The following WIPI2 variants were observed in gnomAD, a reference collection of about 807,000 sequenced individuals.
WIPI2 encodes WD repeat domain, phosphoinositide interacting 2, also known as WD repeat domain phosphoinositide-interacting protein 2.
WIPI2 carries 28 observed loss-of-function variants against 52.3 expected under a neutral mutation model. The observed-to-expected ratio is 0.54, with a 90% confidence interval of 0.40 to 0.73. WIPI2 has a LOEUF of 0.73. WIPI2 is among the 30% of genes least tolerant of loss of function. The pLI, the probability that WIPI2 is intolerant of heterozygous loss-of-function variation, is 0.00. For missense variants in WIPI2, 506 were observed against 602.9 expected, an observed-to-expected ratio of 0.84 and a Z score of 1.68; for synonymous variants, 268 against 245.0, an observed-to-expected ratio of 1.09 and a Z score of -0.88.
chr7:5,197,695 C>A (rs950451244), intron 2 of WIPI2, among the ~76,000 whole-genome samples: 16 of 152,140 alleles, frequency 1.1e-4, no homozygotes, highest in African/African-American at 3.6e-4. Flanking sequence ...AGTTGGAAAT[C>A]TCAAGTTTTT....
chr7:5,227,132 C>T lies in WIPI2; in HGVS notation c.849-48C>T, dbSNP rs1356907111. On this transcript the variant is annotated intron_variant, in intron 9 of 12. Coordinates refer to ENST00000288828, the MANE Select transcript of WIPI2 (RefSeq NM_015610.4). This position sits in a 1 kb window ranked among gnomAD's most constrained non-coding sequence, Gnocchi z 8.1. ...TCTGTGTGAGTAGGGGGTGGCCGTC[C>T]CCCCAGGGAGGGTGCAGCTTCATGT... is the stretch of plus-strand genomic sequence containing the variant. 1 of 1,606,696 alleles carries T rather than the reference C, an allele frequency of 6.2e-7. No homozygotes were observed. The highest frequency in any genetic ancestry group is 8.5e-7 in the Non-Finnish European group (1 of 1,176,378).
intron 11 of WIPI2, among the ~76,000 whole-genome samples, chr7:5,228,814 G>C (rs112808241): frequency 1.6e-3 from 245 of 152,186 alleles, no homozygotes; most frequent in African/African-American, 5.3e-3. Flanking sequence ...CTGCAGCCTT[G>C]ACCTCCCAGG....
chr7:5,232,642 C>A lies in WIPI2; in HGVS notation c.*1695C>A. The stretch of plus-strand genomic sequence containing the variant: ...GCCGCGGCAGCACGCAGCCTTGACC[C>A]ACGCCTGCGTCTTGTGGTGCAAGGC... On this transcript the variant is annotated 3_prime_UTR_variant, in exon 13 of 13. Transcript: ENST00000288828. 1 of 246,522 alleles carries A rather than the reference C, an allele frequency of 4.1e-6. No homozygotes were observed. Among genetic ancestry groups the A allele is most frequent in the East Asian group, 7.3e-5 (1 of 13,660 alleles). The allele number at this position is 246,522 out of a possible 1,614,324, so 15.3% of individuals were successfully genotyped here.
Position 5,199,562 on chromosome 7 carries a change from T to A in WIPI2, c.129-14T>A. 1 of 1,602,582 alleles carries A rather than the reference T, an allele frequency of 6.2e-7. No individual in the cohort carries two copies. Among genetic ancestry groups the A allele is most frequent in the Non-Finnish European group, 8.5e-7 (1 of 1,176,928 alleles). ...ACGTATCAGCTCTTATTTCTGAATT[T>A]GGCTTTTTTGCAGGTCCCTAGCTGT... On this transcript the variant is annotated splice_polypyrimidine_tract_variant and intron_variant, in intron 2 of 12. Transcript: ENST00000288828.
chr7:5,223,703 C>T (rs1783268191), intron 8 of WIPI2, among the ~76,000 whole-genome samples: 1 of 152,196 alleles, frequency 6.6e-6, no homozygotes, highest in African/African-American at 2.4e-5. Flanking sequence ...CCGTATTCCT[C>T]CTGCCTGCTG....
At chr7:5,228,295 C>G in intron 11 of WIPI2, 84 bp downstream of exon 11, 1 of 1,280,714 alleles carries the variant, frequency 7.8e-7, no homozygotes, top group Non-Finnish European at 1.1e-6. Context: ...TGTTTATTTC[C>G]TTGCAAACCA....
chr7:5,225,826 C>A lies in WIPI2; in HGVS notation c.744C>A (p.Cys248Ter), dbSNP rs750663901. The A allele has an allele frequency of 6.2e-7, 1 of 1,610,966 alleles. No homozygotes were observed. The highest frequency in any genetic ancestry group is 1.7e-5 in the Admixed American group (1 of 59,616). The change falls in exon 9 of 13, where the codon TGC becomes TGA. Residue 248 changes from cysteine to a stop codon, truncating the protein, a stop_gained. Coordinates refer to ENST00000288828, the MANE Select transcript of WIPI2 (RefSeq NM_015610.4). LOFTEE classifies it high-confidence loss of function. The stretch of plus-strand genomic sequence containing the variant: ...CCCAACCTGTGCGTCTCCCCAGGTG[C>A]GTGAGCATCTGCTCCCTGGCCTTCA... ...LFEFRRGVKRCVSICSLAFSM... is the reference protein window; with the variant it reads ...LFEFRRGVKR
At chr7:5,196,924 C>T (rs1266042390) in intron 2 of WIPI2, among the ~76,000 whole-genome samples, 2 of 151,808 alleles carry the variant, frequency 1.3e-5, no homozygotes, top group African/African-American at 4.8e-5. Context: ...CCAGCCTGGC[C>T]AACATGGTAA....
chr7:5,197,785 G>C (rs1318731752), intron 2 of WIPI2, among the ~76,000 whole-genome samples: 2 of 152,272 alleles, frequency 1.3e-5, no homozygotes, highest in East Asian at 3.9e-4. Context: ...CCCCTTCCCT[G>C]TTTCAGCCTT....
At chr7:5,216,329 G>A (rs1481332038) in intron 4 of WIPI2, 3 of 338,180 alleles carry the variant, frequency 8.9e-6, no homozygotes. Context: ...CTACTTGGGA[G>A]GCTGAGGCAG....
intron 3 of WIPI2, among the ~76,000 whole-genome samples, chr7:5,208,048 G>A (rs764895908): frequency 1.3e-5 from 2 of 152,176 alleles, no homozygotes; most frequent in African/African-American, 2.4e-5. Context: ...TTACAGGCGT[G>A]AGCCACCACA....
In WIPI2 at chr7:5,204,046, C is replaced by A. The variant is rs139716733; in HGVS notation, c.211+4388C>A. ...TGCTTTCTTTTGATTATTATGGCAT[C>A]TTTCACCTAGCAGCCTGATCCATTG... is the stretch of plus-strand genomic sequence containing the variant. On this transcript the variant is annotated intron_variant, in intron 3 of 12. Coordinates refer to ENST00000288828, the MANE Select transcript of WIPI2 (RefSeq NM_015610.4). 7.0e-4 allele frequency among the ~76,000 whole-genome samples: 107 copies of A among 152,334 alleles called. 2 individuals are homozygous for A. The East Asian group carries it at 0.019, about 27-fold the overall frequency.
chr7:5,212,244 A>G (rs947602715), intron 3 of WIPI2, among the ~76,000 whole-genome samples: 1 of 152,100 alleles, frequency 6.6e-6, no homozygotes, highest in Non-Finnish European at 1.5e-5. Flanking sequence ...TCCTCAGACC[A>G]TCAGTCCAGC....
intron 8 of WIPI2, among the ~76,000 whole-genome samples, chr7:5,223,618 C>G (rs142430680): frequency 3.3e-4 from 51 of 152,344 alleles, no homozygotes; most frequent in African/African-American, 7.9e-4. Flanking sequence ...ACCCAACCCC[C>G]TTCCTCACCC....
chr7:5,218,592 A>G (rs1470142119), intron 7 of WIPI2: 4 of 152,928 alleles, frequency 2.6e-5, no homozygotes, highest in Non-Finnish European at 4.4e-5. Flanking sequence ...TGCCGTAGGT[A>G]GTAGTGTATT....
chr7:5,217,833 G>A (rs1782898263), intron 6 of WIPI2, 89 bp from the exon 7 acceptor site: 1 of 1,261,130 alleles, frequency 7.9e-7, no homozygotes, highest in South Asian at 1.2e-5. Context: ...TTTAGGAACA[G>A]CTAATTGGCA....
intron 1 of WIPI2, chr7:5,190,885 C>T (rs1029215285): frequency 2.0e-4 from 34 of 173,642 alleles, no homozygotes; most frequent in Non-Finnish European, 3.0e-4. Flanking sequence ...CTTCCCGCTG[C>T]TTGCTCAGCG....
At chr7:5,219,651 T>G (rs1275724829) in intron 7 of WIPI2, among the ~76,000 whole-genome samples, 1 of 152,198 alleles carries the variant, frequency 6.6e-6, no homozygotes, top group Non-Finnish European at 1.5e-5. Context: ...TTAATTAGTA[T>G]TGCACGGTAG....
intron 3 of WIPI2, among the ~76,000 whole-genome samples, chr7:5,204,528 A>G (rs1304343511): frequency 6.6e-6 from 1 of 152,230 alleles, no homozygotes; most frequent in Non-Finnish European, 1.5e-5. Flanking sequence ...GAAATAATAC[A>G]TTAGAAAAAT....
Sources: allele counts gnomAD v4.1 joint callset (sites outside exome capture counted in the v4.1 genomes callset), GRCh38; gene constraint gnomAD v4.1.1; non-coding constraint Gnocchi (gnomAD v3.1); transcripts MANE v1.5; gene names NCBI Gene and HGNC (gene_info 2026-07-23, HGNC 2026-07-21).